EPM2AIP1: variants seen among roughly 807,000 people sequenced by gnomAD.
EPM2AIP1 encodes the protein EPM2A-interacting protein 1.
In EPM2AIP1, 23 loss-of-function variants were observed where a neutral mutation model predicts 44.8. The ratio of observed to expected loss-of-function variants is 0.51; its 90% CI spans 0.37 to 0.73. EPM2AIP1 has a LOEUF of 0.73. Among genes scored for constraint, EPM2AIP1 ranks in the 30% least tolerant of loss-of-function variants. EPM2AIP1 has a pLI of 0.00. For synonymous variants in EPM2AIP1, 311 were observed against 284.3 expected (o/e 1.09, Z -0.94); for missense variants, 652 against 743.9 (o/e 0.88, Z 1.44).
rs577656721 is a variant in EPM2AIP1 at position 36,985,592 on chromosome 3, T to C, written c.*5662A>G. The C allele has an allele frequency of 3.2e-4, 48 of 152,364 alleles. 1 individual carries two copies. The highest frequency in any genetic ancestry group is 1.1e-3 in the African/African-American group (44 of 41,590). The allele number at this position is 152,364 out of a possible 1,614,324, so 9.4% of individuals were successfully genotyped here. Reference sequence around the variant, plus strand: ...CTTTAATGTGGCTATGTGATTTGCTTTGGCCAATGAAAGTCCTTTAAGAGT... The same window carrying C: ...CTTTAATGTGGCTATGTGATTTGCTCTGGCCAATGAAAGTCCTTTAAGAGT... On this transcript the variant is annotated 3_prime_UTR_variant, in exon 1 of 1. Coordinates refer to ENST00000322716, the MANE Select transcript of EPM2AIP1 (RefSeq NM_014805.4).
chr3:36,985,264 A>T lies in EPM2AIP1; in HGVS notation c.*5990T>A, dbSNP rs2080764177. 6.6e-6 allele frequency: 1 copy of T among 152,256 alleles called. No individual in the cohort carries two copies. 9.4% of individuals were successfully genotyped at this position (152,256 alleles called of 1,614,324 possible). A position where few individuals can be genotyped will look rare whatever the true frequency, so the allele number is the denominator to read the frequency against. ...AATTATTTCACTTACATAAAGTTTT[A>T]AAACAGGCAAAACTAATCCGTGGTG... On this transcript the variant is annotated 3_prime_UTR_variant, in exon 1 of 1. Coordinates refer to ENST00000322716, the MANE Select transcript of EPM2AIP1 (RefSeq NM_014805.4).
In EPM2AIP1 at chr3:36,986,241, G is replaced by GAA. The variant is rs1159781079; in HGVS notation, c.*5011_*5012dup. The GAA allele has an allele frequency of 6.6e-6, 1 of 152,076 alleles. No individual in the cohort carries two copies. Among genetic ancestry groups the GAA allele is most frequent in the African/African-American group, 2.4e-5 (1 of 41,424 alleles). 9.4% of individuals were successfully genotyped at this position (152,076 alleles called of 1,614,324 possible). A position where few individuals can be genotyped will look rare whatever the true frequency, so the allele number is the denominator to read the frequency against. On this transcript the variant is annotated 3_prime_UTR_variant, in exon 1 of 1. Transcript: ENST00000322716. The stretch of plus-strand genomic sequence containing the variant: ...GGCAGATCATCTACCCTTTACTAAA[G>GAA]AAAAAGACAGAAAAACAAAATATTT...
Position 36,989,523 on chromosome 3 carries a change from C to G in EPM2AIP1, c.*1731G>C, listed in dbSNP as rs1270209161. 2.6e-5 allele frequency: 4 copies of G among 151,734 alleles called. No homozygotes were observed. In the East Asian group the frequency reaches 7.7e-4, roughly 29 times the overall value. The allele number at this position is 151,734 out of a possible 1,614,324, so 9.4% of individuals were successfully genotyped here. The stretch of plus-strand genomic sequence containing the variant: ...TTATCAATGCCTTTATTGCACTTTA[C>G]TAGCCAAATTTAGAAGGTTGGAATT... On this transcript the variant is annotated 3_prime_UTR_variant, in exon 1 of 1. Transcript: ENST00000322716.
rs1424586628 is a variant in EPM2AIP1, at chr3:36,989,700, GGTGA to G, written c.*1550_*1553del. 10 of 151,970 alleles carry G rather than the reference GGTGA, an allele frequency of 6.6e-5. No homozygotes were observed. Among genetic ancestry groups the G allele is most frequent in the Admixed American group, 6.6e-4 (10 of 15,246 alleles). 9.4% of individuals were successfully genotyped at this position (151,970 alleles called of 1,614,324 possible). ...GCCAGGCTGTCCCATGCACTGCAGG[GGTGA>G]GTGTCTTTAGGCTTAAATGCCAACA... is the stretch of plus-strand genomic sequence containing the variant. On this transcript the variant is annotated 3_prime_UTR_variant, in exon 1 of 1. Transcript: ENST00000322716.
At position 36,993,079 on chromosome 3, in the gene EPM2AIP1, C is replaced by G; in HGVS notation, c.-2G>C. 6.3e-7 allele frequency: 1 copy of G among 1,598,278 alleles called. No individual in the cohort carries two copies. The highest frequency in any genetic ancestry group is 8.5e-7 in the Non-Finnish European group (1 of 1,170,396). ...GCTTCTTTTGGGCGTCATCCACATT[C>G]TGCGGGAGGCCACAAGAGCAGGGCC... On this transcript the variant is annotated 5_prime_UTR_variant, in exon 1 of 1. Transcript: ENST00000322716.
At position 36,992,633 on chromosome 3, in the gene EPM2AIP1, T is replaced by C. The variant is rs1006146904; in HGVS notation, c.445A>G (p.Ile149Val). The C allele has an allele frequency of 1.9e-6, 3 of 1,613,942 alleles. No individual in the cohort carries two copies. The highest frequency in any genetic ancestry group is 2.5e-6 in the Non-Finnish European group (3 of 1,179,916). ...ATGCTCAGGATCCTCTGCCTTGTGA[T>C]ATCTGGAGATAAGTCAACGCCTTGC... ...VLQGVDLSPD[I>V]TRQRILSIDR... The change falls in exon 1 of 1, where the codon ATC (isoleucine) becomes GTC (valine). Residue 149 changes from isoleucine to valine, a missense_variant. Transcript: ENST00000322716. The surrounding 1 kb of genome is among the most constrained non-coding windows in gnomAD (Gnocchi z 5.3).
rs2080844259 is a variant in EPM2AIP1 at position 36,992,829 on chromosome 3, C to T, written c.249G>A (p.Gln83=). ...TGAAGGAGGCCACGGGCAAGTCGCC[C>T]TGACGCAGACGCTCCACCAGGGCCG... is the stretch of plus-strand genomic sequence containing the variant. ...ERAALVERLR[Q]GDLPVASFTP... The change falls in exon 1 of 1, where the codon CAG becomes CAA. Residue 83 remains glutamine (Q), a synonymous_variant. Transcript: ENST00000322716. The surrounding 1 kb of genome is among the most constrained non-coding windows in gnomAD (Gnocchi z 5.3). 6.2e-7 allele frequency: 1 copy of T among 1,611,690 alleles called. No homozygotes were observed. Among genetic ancestry groups the T allele is most frequent in the African/African-American group, 1.3e-5 (1 of 74,936 alleles).
At position 36,992,333 on chromosome 3, in the gene EPM2AIP1, T is replaced by C; in HGVS notation, c.745A>G (p.Thr249Ala). ...GAGTTCTCACCAATCATCCTCAAAG[T>C]ATGGGTCGTGGTCAGTCCAACCATT... ...QRMVGLTTTH[T>A]LRMIGENSGL... The change falls in exon 1 of 1, where the codon ACT becomes GCT. Residue 249 changes from threonine to alanine, a missense_variant. Thr to Ala is a moderately conservative substitution (Grantham distance 58). Transcript: ENST00000322716. The surrounding 1 kb of genome is among the most constrained non-coding windows in gnomAD (Gnocchi z 5.3). The C allele has an allele frequency of 6.2e-7, 1 of 1,613,922 alleles. No homozygotes were observed. Among genetic ancestry groups the C allele is most frequent in the Non-Finnish European group, 8.5e-7 (1 of 1,179,858 alleles).
At position 36,989,759 on chromosome 3, in the gene EPM2AIP1, A is replaced by G. The variant is rs2080792103; in HGVS notation, c.*1495T>C. 1 of 152,084 alleles carries G rather than the reference A, an allele frequency of 6.6e-6. No individual in the cohort carries two copies. Among genetic ancestry groups the G allele is most frequent in the South Asian group, 2.1e-4 (1 of 4,822 alleles). 9.4% of individuals were successfully genotyped at this position (152,084 alleles called of 1,614,324 possible). A position where few individuals can be genotyped will look rare whatever the true frequency, so the allele number is the denominator to read the frequency against. On this transcript the variant is annotated 3_prime_UTR_variant, in exon 1 of 1. Transcript: ENST00000322716. ...CCCCTAGTAAATATGACAACCAAAA[A>G]AGTGCCCCTACACATTTCTCAGCAT...
chr3:36,988,981 CTTTTTCTTT>C lies in EPM2AIP1; in HGVS notation c.*2264_*2272del, dbSNP rs1401145408. 1.1e-4 allele frequency: 14 copies of C among 122,026 alleles called. No individual in the cohort carries two copies. The highest frequency in any genetic ancestry group is 4.6e-4 in the African/African-American group (13 of 28,436). 7.6% of individuals were successfully genotyped at this position (122,026 alleles called of 1,614,324 possible). On this transcript the variant is annotated 3_prime_UTR_variant, in exon 1 of 1. Coordinates refer to ENST00000322716, the MANE Select transcript of EPM2AIP1 (RefSeq NM_014805.4). ...AGAAAACAGTAAAATACACTTTTTT[CTTTTTCTTT>C]TTTTTTTTTTTTTTTTACAAACAAG...
chr3:36,992,225 C>G lies in EPM2AIP1; in HGVS notation c.853G>C (p.Glu285Gln), dbSNP rs1210942847. 1 of 1,614,000 alleles carries G rather than the reference C, an allele frequency of 6.2e-7. No homozygotes were observed. The highest frequency in any genetic ancestry group is 1.1e-5 in the South Asian group (1 of 91,084). Residue 285 changes from glutamate to glutamine, a missense_variant, in exon 1 of 1, where the codon GAA (glutamate) becomes CAA (glutamine). Physicochemically the swap from Glu to Gln is conservative, Grantham distance 29 (BLOSUM62 2). Coordinates refer to ENST00000322716, the MANE Select transcript of EPM2AIP1 (RefSeq NM_014805.4). This position sits in a 1 kb window ranked among gnomAD's most constrained non-coding sequence, Gnocchi z 5.3. ...TCTACATCATAGGAGCTCAACAGTT[C>G]CAAGTGAAGAAATCCTGAATAATGA... ...VIHYSGFLHL[E>Q]LLSSYDVDVN...
rs2080800079 is a variant in EPM2AIP1 at position 36,991,137 on chromosome 3, G to A, written c.*117C>T. The A allele has an allele frequency of 2.8e-6, 4 of 1,435,228 alleles. No homozygotes were observed. In the South Asian group the frequency reaches 6.8e-5, roughly 24 times the overall value. The allele number at this position is 1,435,228 out of a possible 1,614,324, so 88.9% of individuals were successfully genotyped here. ...CAGAATTTTAATTGTGATCAGTTTGGACGGCTGGTACTTGGTACTTTCTCA... is the reference window on the plus strand; with the variant it reads ...CAGAATTTTAATTGTGATCAGTTTGAACGGCTGGTACTTGGTACTTTCTCA... On this transcript the variant is annotated 3_prime_UTR_variant, in exon 1 of 1. Transcript: ENST00000322716.
chr3:36,992,299 A>G lies in EPM2AIP1; in HGVS notation c.779T>C (p.Val260Ala). 1 of 1,613,938 alleles carries G rather than the reference A, an allele frequency of 6.2e-7. No individual in the cohort carries two copies. Among genetic ancestry groups the G allele is most frequent in the Non-Finnish European group, 8.5e-7 (1 of 1,179,886 alleles). The change falls in exon 1 of 1, where the codon GTC becomes GCC. Residue 260 changes from valine to alanine, a missense_variant. Val to Ala is a moderately conservative substitution (Grantham distance 64). Transcript: ENST00000322716. The surrounding 1 kb of genome is among the most constrained non-coding windows in gnomAD (Gnocchi z 5.3). ...TACGGCCTTTTCTCTCATGTATGAGACGAGTCCTGAGTTCTCACCAATCAT... is the reference window on the plus strand; with the variant it reads ...TACGGCCTTTTCTCTCATGTATGAGGCGAGTCCTGAGTTCTCACCAATCAT... The part of the protein sequence containing the change: ...LRMIGENSGL[V>A]SYMREKAVSP...
chr3:36,992,051 T>C lies in EPM2AIP1; in HGVS notation c.1027A>G (p.Arg343Gly). 3 of 1,614,022 alleles carry C rather than the reference T, an allele frequency of 1.9e-6. No homozygotes were observed. The highest frequency in any genetic ancestry group is 2.5e-6 in the Non-Finnish European group (3 of 1,179,872). Reference sequence around the variant, plus strand: ...ATTAGTTTTAAAGTTTTCCCTCTCCTAAGCCAATTGTTCAGACATCGTCCA... The same window carrying C: ...ATTAGTTTTAAAGTTTTCCCTCTCCCAAGCCAATTGTTCAGACATCGTCCA... ...VNGRCLNNWLRRGKTLKLIFS... is the reference protein window; with the variant it reads ...VNGRCLNNWLGRGKTLKLIFS... The change falls in exon 1 of 1, where the codon AGG (arginine) becomes GGG (glycine). Residue 343 changes from arginine to glycine, a missense_variant. Coordinates refer to ENST00000322716, the MANE Select transcript of EPM2AIP1 (RefSeq NM_014805.4). This position sits in a 1 kb window ranked among gnomAD's most constrained non-coding sequence, Gnocchi z 5.3.
chr3:36,987,210 C>T lies in EPM2AIP1; in HGVS notation c.*4044G>A, dbSNP rs2080774177. On this transcript the variant is annotated 3_prime_UTR_variant, in exon 1 of 1. Transcript: ENST00000322716. ...TGTTAAATTTACTTACTTTTAAATCCCAGAAGAGCCAAAAATCATCTGTAA... is the reference window on the plus strand; with the variant it reads ...TGTTAAATTTACTTACTTTTAAATCTCAGAAGAGCCAAAAATCATCTGTAA... 1.3e-5 allele frequency: 2 copies of T among 152,372 alleles called. No homozygotes were observed. The highest frequency in any genetic ancestry group is 2.1e-4 in the South Asian group (1 of 4,816). The allele number at this position is 152,372 out of a possible 1,614,324, so 9.4% of individuals were successfully genotyped here.
rs1559496246 is a variant in EPM2AIP1, at chr3:36,991,749, CTCA to C, written c.1326_1328del (p.Asp442del). 1.2e-6 allele frequency: 2 copies of C among 1,613,654 alleles called. No homozygotes were observed. The highest frequency in any genetic ancestry group is 2.2e-5 in the East Asian group (1 of 44,888). On this transcript the variant is annotated inframe_deletion, in exon 1 of 1. Transcript: ENST00000322716. Reference sequence around the variant, plus strand: ...CATCTTCCTTATTTTGCTGTTTTAGCTCATCAACAACTTCTCTGAGGGCAGGAA... The same window carrying C: ...CATCTTCCTTATTTTGCTGTTTTAGCTCAACAACTTCTCTGAGGGCAGGAA...
Position 36,992,083 on chromosome 3 carries a change from C to G in EPM2AIP1, c.995G>C (p.Arg332Thr), listed in dbSNP as rs765434479. 1.9e-6 allele frequency: 3 copies of G among 1,614,048 alleles called. No homozygotes were observed. Among genetic ancestry groups the G allele is most frequent in the Non-Finnish European group, 2.5e-6 (3 of 1,179,896 alleles). The change falls in exon 1 of 1, where the codon AGG becomes ACG. Residue 332 changes from arginine to threonine, a missense_variant. Transcript: ENST00000322716. This position sits in a 1 kb window ranked among gnomAD's most constrained non-coding sequence, Gnocchi z 5.3. ...ATTGTTCAGACATCGTCCATTAACCCTTTCACCATGCTCTGATTCAGATTC... is the reference window on the plus strand; with the variant it reads ...ATTGTTCAGACATCGTCCATTAACCGTTTCACCATGCTCTGATTCAGATTC... ...LTESESEHGE[R>T]VNGRCLNNWL...
In EPM2AIP1 at chr3:36,986,171, T is replaced by G. The variant is rs755514690; in HGVS notation, c.*5083A>C. On this transcript the variant is annotated 3_prime_UTR_variant, in exon 1 of 1. Coordinates refer to ENST00000322716, the MANE Select transcript of EPM2AIP1 (RefSeq NM_014805.4). ...GAAGAAATAACTTACACAAGGGTAA[T>G]TTATATTATGGAAAGGTGAAACTGC... The G allele has an allele frequency of 6.6e-6, 1 of 152,150 alleles. No homozygotes were observed. The highest frequency in any genetic ancestry group is 2.4e-5 in the African/African-American group (1 of 41,434). 9.4% of individuals were successfully genotyped at this position (152,150 alleles called of 1,614,324 possible). A position where few individuals can be genotyped will look rare whatever the true frequency, so the allele number is the denominator to read the frequency against.
rs1370660292 is a variant in EPM2AIP1 at position 36,985,452 on chromosome 3, G to C, written c.*5802C>G. On this transcript the variant is annotated 3_prime_UTR_variant, in exon 1 of 1. Transcript: ENST00000322716. The stretch of plus-strand genomic sequence containing the variant: ...CTTTTAAATTTTACCTCAGTAACAA[G>C]TTGAAAATATATTGGAAGAAAGCAT... 3 of 152,162 alleles carry C rather than the reference G, an allele frequency of 2.0e-5. No individual in the cohort carries two copies. Among genetic ancestry groups the C allele is most frequent in the South Asian group, 4.1e-4 (2 of 4,828 alleles). 9.4% of individuals were successfully genotyped at this position (152,162 alleles called of 1,614,324 possible). A position where few individuals can be genotyped will look rare whatever the true frequency, so the allele number is the denominator to read the frequency against.
Sources: allele counts gnomAD v4.1 joint callset, GRCh38; gene constraint gnomAD v4.1.1; non-coding constraint Gnocchi (gnomAD v3.1); transcripts MANE v1.5; gene names NCBI Gene and HGNC (gene_info 2026-07-23, HGNC 2026-07-21).